The following ITGA3 variants were observed in gnomAD, a reference collection of about 807,000 sequenced individuals.
The protein encoded by ITGA3 is integrin subunit alpha 3.
In ITGA3, 70 loss-of-function variants were observed where a neutral mutation model predicts 131.1. That is an observed-to-expected ratio of 0.53 (90% CI 0.44 to 0.65). The LOEUF (loss-of-function observed/expected upper bound fraction) is 0.65, where lower values mean the gene tolerates loss of function less well. ITGA3 is among the 30% of genes least tolerant of loss of function. ITGA3 has a pLI of 0.00. For synonymous variants in ITGA3, 537 were observed against 571.6 expected (o/e 0.94, Z 0.86); for missense variants, 1,098 against 1,388.6 (o/e 0.79, Z 3.33).
intron 24 of ITGA3, 155 bp from the exon 25 acceptor site, chr17:50,088,070 G>A: frequency 8.1e-7 from 1 of 1,238,594 alleles, no homozygotes; most frequent in South Asian, 1.6e-5. Flanking sequence ...TGGAAAGGGG[G>A]ACCCAGGAGC....
intron 4 of ITGA3, among the ~76,000 whole-genome samples, chr17:50,070,052 C>A (rs920956477): frequency 6.6e-6 from 1 of 152,188 alleles, no homozygotes; most frequent in Non-Finnish European, 1.5e-5. Flanking sequence ...CTGCCTCCCA[C>A]CCCCTGGTCA....
rs1909554357 is a variant in ITGA3, at chr17:50,088,249, A to G, written c.3070A>G (p.Thr1024Ala). The change falls in exon 25 of 26, where the codon ACT (threonine) becomes GCT (alanine). Residue 1024 changes from threonine (T) to alanine (A), a missense_variant. By Grantham distance (58) the Thr-to-Ala change is moderately conservative (BLOSUM62 0). Around this residue, in one of 3 missense-constraint regions of ITGA3, gnomAD observed 699 missense variants for 829.2 expected, o/e 0.84. Coordinates refer to ENST00000320031, the MANE Select transcript of ITGA3 (RefSeq NM_002204.4). Reference sequence around the variant, plus strand: ...GTGCGGCTTCTTCAAGCGAGCCCGCACTCGCGCCCTGTATGAAGCTAAGAG... The same window carrying G: ...GTGCGGCTTCTTCAAGCGAGCCCGCGCTCGCGCCCTGTATGAAGCTAAGAG... ...WKCGFFKRAR[T>A]RALYEAKRQK... is the part of the protein sequence containing the mutation. 11 of 1,575,054 alleles carry G rather than the reference A, an allele frequency of 7.0e-6. No individual in the cohort carries two copies. The highest frequency in any genetic ancestry group is 6.9e-6 in the Non-Finnish European group (8 of 1,160,646).
At chr17:50,072,731 G>A (rs1436229852) in intron 7 of ITGA3, among the ~76,000 whole-genome samples, 1 of 152,146 alleles carries the variant, frequency 6.6e-6, no homozygotes, top group Non-Finnish European at 1.5e-5. Flanking sequence ...TGATTGCAGG[G>A]ATGGAGCAAG....
rs374749518 is a variant in ITGA3, at chr17:50,075,639, G to A, written c.1578G>A (p.Pro526=). The change falls in exon 12 of 26, where the codon CCG becomes CCA. Residue 526 remains proline (P), a synonymous_variant. Transcript: ENST00000320031. ...YTLEADRDRR[P]PRLRFAGSES... Reference sequence around the variant, plus strand: ...TGGAGGCTGACAGGGACCGCCGGCCGCCCCGGCTCCGCTTTGCCGGCAGTG... The same window carrying A: ...TGGAGGCTGACAGGGACCGCCGGCCACCCCGGCTCCGCTTTGCCGGCAGTG... 5.6e-5 allele frequency: 90 copies of A among 1,614,182 alleles called. 1 individual carries two copies. Among genetic ancestry groups the A allele is most frequent in the South Asian group, 2.5e-4 (23 of 91,086 alleles).
intron 23 of ITGA3, among the ~76,000 whole-genome samples, chr17:50,085,306 A>G (rs575914595): frequency 6.6e-6 from 1 of 152,230 alleles, no homozygotes; most frequent in East Asian, 1.9e-4. Flanking sequence ...TTAATATTCC[A>G]TATTTAAAAC....
chr17:50,079,667 GC>G (rs1461163105), intron 21 of ITGA3, 110 bp downstream of exon 21: 1 of 1,237,460 alleles, frequency 8.1e-7, no homozygotes, highest in Non-Finnish European at 1.1e-6. Flanking sequence ...AGGTGATGAG[GC>G]CCCTGCTCTT....
In ITGA3 at chr17:50,060,919, G is replaced by A. The variant is rs142318200; in HGVS notation, c.207-3158G>A. Reference sequence around the variant, plus strand: ...CTAATTTGCATTTCATTTGCATACAGTAAGGTCCCTCTCACCTTCAGGATT... The same window carrying A: ...CTAATTTGCATTTCATTTGCATACAATAAGGTCCCTCTCACCTTCAGGATT... On this transcript the variant is annotated intron_variant, in intron 1 of 25. Transcript: ENST00000320031. Among the ~76,000 whole-genome samples, 1,106 of 152,290 alleles carry A rather than the reference G, an allele frequency of 7.3e-3. 10 individuals are homozygous for A. Among genetic ancestry groups the A allele is most frequent in the African/African-American group, 0.025 (1,050 of 41,554 alleles).
At chr17:50,088,745 C>G (rs1015146109) in intron 25 of ITGA3, among the ~76,000 whole-genome samples, 2 of 152,190 alleles carry the variant, frequency 1.3e-5, no homozygotes, top group Non-Finnish European at 2.9e-5. Context: ...AGAGACCCTC[C>G]TCCTGGGAAC....
At chr17:50,072,870 GGGTA>G (rs1477793862) in intron 7 of ITGA3, among the ~76,000 whole-genome samples, 1 of 152,108 alleles carries the variant, frequency 6.6e-6, no homozygotes, top group Non-Finnish European at 1.5e-5. Flanking sequence ...ATCGGACCTG[GGGTA>G]TCAGGGACAG....
chr17:50,067,477 A>G (rs1449758520), intron 3 of ITGA3, among the ~76,000 whole-genome samples: 1 of 152,154 alleles, frequency 6.6e-6, no homozygotes, highest in Non-Finnish European at 1.5e-5. Context: ...TAGATATGAG[A>G]TCTTATGCAG....
In ITGA3 at chr17:50,056,934, C is replaced by T. The variant is rs1323936171; in HGVS notation, c.206+289C>T. Among the ~76,000 whole-genome samples the T allele has an allele frequency of 3.3e-5, 5 of 152,164 alleles. No individual in the cohort carries two copies. Among genetic ancestry groups the T allele is most frequent in the Non-Finnish European group, 7.3e-5 (5 of 68,038 alleles). ...CCCGGTGGCTGAGTCCTCTCCCATT[C>T]TGTGAACCGAGTACCCAGCACTAGC... On this transcript the variant is annotated intron_variant, in intron 1 of 25. Coordinates refer to ENST00000320031, the MANE Select transcript of ITGA3 (RefSeq NM_002204.4). The surrounding 1 kb of genome is among the most constrained non-coding windows in gnomAD (Gnocchi z 5.6).
Position 50,070,918 on chromosome 17 carries a change from A to C in ITGA3, c.739A>C (p.Asn247His). ...YSYKDPEDQG[N>H]LYIGYTMQVG... ...TTACAAGGACCCAGAGGACCAAGGA[A>C]ACCTCTATATTGGTGAGTACAGTAG... The change falls in exon 5 of 26, where the codon AAC becomes CAC. Residue 247 changes from asparagine to histidine, a missense_variant. By Grantham distance (68) the Asn-to-His change is moderately conservative. Coordinates refer to ENST00000320031, the MANE Select transcript of ITGA3 (RefSeq NM_002204.4). 1 of 1,601,202 alleles carries C rather than the reference A, an allele frequency of 6.2e-7. No individual in the cohort carries two copies. The highest frequency in any genetic ancestry group is 8.6e-7 in the Non-Finnish European group (1 of 1,168,338).
rs759796803 is a variant in ITGA3 at position 50,088,157 on chromosome 17, C to T, written c.3046-68C>T. ...TCCCCAGCCCTAAAGCCCTGGTCCA[C>T]GAGTGCTGCTGGTGAGGATAGCCCA... On this transcript the variant is annotated intron_variant, in intron 24 of 25. Transcript: ENST00000320031. 8.6e-5 allele frequency: 130 copies of T among 1,505,034 alleles called. 1 individual carries two copies. Among genetic ancestry groups the T allele is most frequent in the Admixed American group, 1.3e-4 (6 of 46,648 alleles). The allele number at this position is 1,505,034 out of a possible 1,614,324, so 93.2% of individuals were successfully genotyped here.
chr17:50,079,161 G>A lies in ITGA3; in HGVS notation c.2486G>A (p.Trp829Ter), dbSNP rs781255132. ...EWPYEVSNGK[W>*]LLYPTEITVH... ...CCCTACGAAGTCAGCAATGGCAAGTGGCTGCTGTATCCCACGGAGATCACC... is the reference window on the plus strand; with the variant it reads ...CCCTACGAAGTCAGCAATGGCAAGTAGCTGCTGTATCCCACGGAGATCACC... The change falls in exon 20 of 26, where the codon TGG becomes TAG. Residue 829 changes from tryptophan to a stop codon, truncating the protein, a stop_gained. Coordinates refer to ENST00000320031, the MANE Select transcript of ITGA3 (RefSeq NM_002204.4). LOFTEE classifies it high-confidence loss of function. The A allele has an allele frequency of 6.2e-7, 1 of 1,613,962 alleles. No homozygotes were observed. The highest frequency in any genetic ancestry group is 1.1e-5 in the South Asian group (1 of 91,072).
rs370928871 is a variant in ITGA3, at chr17:50,073,897, C to T, written c.1157-19C>T. 1 of 1,605,594 alleles carries T rather than the reference C, an allele frequency of 6.2e-7. No individual in the cohort carries two copies. The highest frequency in any genetic ancestry group is 8.5e-7 in the Non-Finnish European group (1 of 1,172,318). ...GCCCAGAGTACCTGGGTGACCCTGT[C>T]TTGCCTTTTCTTCTGCAGATATTGC... On this transcript the variant is annotated intron_variant, in intron 7 of 25. Coordinates refer to ENST00000320031, the MANE Select transcript of ITGA3 (RefSeq NM_002204.4).
chr17:50,068,009 G>C (rs780116501), intron 3 of ITGA3, 47 bp from the exon 4 acceptor site: 1 of 1,608,704 alleles, frequency 6.2e-7, no homozygotes, highest in African/African-American at 1.3e-5. Context: ...CAGCTGACCC[G>C]GGTCCCTGTG....
At chr17:50,059,442 G>T (rs1907975281) in intron 1 of ITGA3, among the ~76,000 whole-genome samples, 1 of 152,164 alleles carries the variant, frequency 6.6e-6, no homozygotes, top group African/African-American at 2.4e-5. Flanking sequence ...TCCTAGAAAT[G>T]AGGTCATGCC....
At chr17:50,081,684 G>C (rs1200434397) in intron 23 of ITGA3, among the ~76,000 whole-genome samples, 1 of 152,140 alleles carries the variant, frequency 6.6e-6, no homozygotes. Context: ...TCCTTGATCT[G>C]CACAACGCCT....
rs1484642910 is a variant in ITGA3, at chr17:50,077,085, G to A, written c.2034G>A (p.Val678=). 1 of 1,583,180 alleles carries A rather than the reference G, an allele frequency of 6.3e-7. No homozygotes were observed. Among genetic ancestry groups the A allele is most frequent in the Non-Finnish European group, 8.6e-7 (1 of 1,162,462 alleles). ...EDAHEALLTL[V]VPPALLLSSV... ...CCCACGAGGCGCTGCTCACCCTGGT[G>A]GTGCCTCCCGCCCTGCTGCTGTCCT... The change falls in exon 15 of 26, where the codon GTG becomes GTA. Residue 678 remains valine, a synonymous_variant. Transcript: ENST00000320031.
Sources: gnomAD v4.1 joint callset for allele counts (sites outside exome capture counted in the v4.1 genomes callset) on GRCh38, gnomAD v4.1.1 for gene constraint, gnomAD v4.1.1 regional missense constraint, Gnocchi (gnomAD v3.1) non-coding constraint, MANE v1.5 for transcripts, NCBI Gene and HGNC (gene_info 2026-07-23, HGNC 2026-07-21) for gene names.